Variants in FHOD3 observed in about 807,000 individuals in gnomAD.
FHOD3 encodes the protein FH1/FH2 domain-containing protein 3.
In FHOD3, 90 loss-of-function variants were observed where a neutral mutation model predicts 173.0. That is an observed-to-expected ratio of 0.52 (90% CI 0.44 to 0.62). The LOEUF is 0.62. Ranked by LOEUF, FHOD3 falls within the 20% of genes least tolerant of loss-of-function variation. The pLI is 0.00. For missense variants in FHOD3, 1,945 were observed against 2,034.7 expected (o/e 0.96, Z 0.85); for synonymous variants, 828 against 823.0 (o/e 1.01, Z -0.10).
At chr18:36,760,901 C>T (rs906682988) in intron 27 of FHOD3, 119 bp downstream of exon 27, 11 of 1,022,026 alleles carry the variant, frequency 1.1e-5, no homozygotes, top group Non-Finnish European at 1.5e-5. Flanking sequence ...CCAGTGCCAA[C>T]CTAACCACAC....
At chr18:36,464,977 A>G (rs771055882) in intron 3 of FHOD3, among the ~76,000 whole-genome samples, 1 of 152,170 alleles carries the variant, frequency 6.6e-6, no homozygotes, top group Non-Finnish European at 1.5e-5. Flanking sequence ...GATGTTTACA[A>G]CTTTTTAAAT....
At chr18:36,578,515 A>G (rs1417031086) in intron 6 of FHOD3, among the ~76,000 whole-genome samples, 1 of 152,124 alleles carries the variant, frequency 6.6e-6, no homozygotes. Flanking sequence ...GTCTGCCCAG[A>G]CTGTCCCCCA....
intron 3 of FHOD3, among the ~76,000 whole-genome samples, chr18:36,413,448 G>A (rs111703459): frequency 0.015 from 2,216 of 152,310 alleles, 39 homozygotes; most frequent in African/African-American, 0.05. Flanking sequence ...TTTTTGGGCT[G>A]TGAGCTGAGG....
chr18:36,681,505 G>C lies in FHOD3; in HGVS notation c.1905G>C (p.Glu635Asp). The stretch of plus-strand genomic sequence containing the variant: ...AAGAGTCACTGGCAGCAGAGAGAGA[G>C]AGGCGGCGGCAGGAGAGAGAAGAAA... ...QHQESLAAER[E>D]RRRQEREERL... Residue 635 changes from glutamate (E) to aspartate (D), a missense_variant, in exon 15 of 29, where the codon GAG (glutamate) becomes GAC (aspartate). Coordinates refer to ENST00000590592, the MANE Select transcript of FHOD3 (RefSeq NM_001281740.3). 6.2e-7 allele frequency: 1 copy of C among 1,614,012 alleles called. No homozygotes were observed. Among genetic ancestry groups the C allele is most frequent in the East Asian group, 2.2e-5 (1 of 44,882 alleles).
At chr18:36,433,330 A>AATTAC (rs1258504486) in intron 3 of FHOD3, among the ~76,000 whole-genome samples, 4 of 152,208 alleles carry the variant, frequency 2.6e-5, no homozygotes, top group Admixed American at 1.3e-4. Context: ...AGCCTCAAAG[A>AATTAC]ATTACACAGG....
intron 2 of FHOD3, among the ~76,000 whole-genome samples, chr18:36,363,103 C>T (rs1397418612): frequency 6.6e-6 from 1 of 152,180 alleles, no homozygotes; most frequent in Non-Finnish European, 1.5e-5. Flanking sequence ...GATACCACTA[C>T]ACACCCCTTA....
intron 8 of FHOD3, among the ~76,000 whole-genome samples, chr18:36,610,859 C>CT (rs2148608552): frequency 6.6e-6 from 1 of 152,348 alleles, no homozygotes; most frequent in Admixed American, 6.5e-5. Flanking sequence ...AAGGCTGAGA[C>CT]TGGAATGGCA....
chr18:36,553,160 G>A (rs1423377006), intron 5 of FHOD3, among the ~76,000 whole-genome samples: 2 of 152,160 alleles, frequency 1.3e-5, no homozygotes, highest in Non-Finnish European at 2.9e-5. Flanking sequence ...TGCATCCCAG[G>A]GATGAAGCCC....
chr18:36,649,749 C>A (rs1410335276), intron 11 of FHOD3, among the ~76,000 whole-genome samples: 1 of 152,148 alleles, frequency 6.6e-6, no homozygotes, highest in Non-Finnish European at 1.5e-5. Context: ...GATTCTTGCC[C>A]TTTCAGCATT....
chr18:36,531,102 G>A (rs757255789), intron 5 of FHOD3, among the ~76,000 whole-genome samples: 4 of 152,178 alleles, frequency 2.6e-5, no homozygotes, highest in Non-Finnish European at 5.9e-5. Flanking sequence ...ACCTCATTTT[G>A]CACATAGGGA....
intron 3 of FHOD3, among the ~76,000 whole-genome samples, chr18:36,434,057 C>T (rs1303191992): frequency 6.6e-6 from 1 of 152,172 alleles, no homozygotes; most frequent in Non-Finnish European, 1.5e-5. Context: ...GATAGGCTTC[C>T]TGATTAGATT....
intron 5 of FHOD3, among the ~76,000 whole-genome samples, chr18:36,548,892 C>T (rs1318694223): frequency 2.0e-5 from 3 of 152,032 alleles, no homozygotes; most frequent in Non-Finnish European, 4.4e-5. Context: ...TGAACATCAG[C>T]GTACAAGTGT....
Position 36,622,369 on chromosome 18 carries a change from C to A in FHOD3, c.958-3142C>A, listed in dbSNP as rs2033783192. ...TACAATAAATAAAAAGAAAAAAATT[C>A]TTAAGAATGTTCAGATCATTCAGTG... On this transcript the variant is annotated intron_variant, in intron 9 of 28. Coordinates refer to ENST00000590592, the MANE Select transcript of FHOD3 (RefSeq NM_001281740.3). Among the ~76,000 whole-genome samples the A allele has an allele frequency of 2.6e-5, 4 of 152,122 alleles. No homozygotes were observed. The South Asian group carries it at 8.3e-4, about 32-fold the overall frequency.
chr18:36,564,376 T>C (rs1179776662), intron 5 of FHOD3, among the ~76,000 whole-genome samples: 3 of 152,210 alleles, frequency 2.0e-5, no homozygotes, highest in South Asian at 4.1e-4. Context: ...ATTCCTTTGG[T>C]GTCTCCTTAT....
chr18:36,483,514 C>T lies in FHOD3; in HGVS notation c.338-18418C>T, dbSNP rs117664995. 8.8e-3 allele frequency among the ~76,000 whole-genome samples: 1,341 copies of T among 152,262 alleles called. 14 individuals are homozygous for T. The highest frequency in any genetic ancestry group is 0.011 in the Non-Finnish European group (778 of 68,022). ...TATCCATCTACTGAGTATTGAAGAA[C>T]GTGTATATGTCAGAGGAGTCTGCAC... On this transcript the variant is annotated intron_variant, in intron 3 of 28. Transcript: ENST00000590592.
intron 3 of FHOD3, among the ~76,000 whole-genome samples, chr18:36,455,652 C>CA (rs1281072970): frequency 4.0e-5 from 6 of 150,234 alleles, no homozygotes; most frequent in Admixed American, 6.6e-5. Flanking sequence ...AAAAATTTTT[C>CA]AAAAAAAATA....
chr18:36,676,628 T>A (rs1394323888), intron 14 of FHOD3, among the ~76,000 whole-genome samples: 1 of 152,230 alleles, frequency 6.6e-6, no homozygotes, highest in Non-Finnish European at 1.5e-5. Context: ...TTATATTAAT[T>A]TCGACTTCTA....
intron 10 of FHOD3, among the ~76,000 whole-genome samples, chr18:36,630,178 A>G (rs2034409259): frequency 6.6e-6 from 1 of 152,188 alleles, no homozygotes; most frequent in Non-Finnish European, 1.5e-5. Context: ...ATTCATGTGC[A>G]TGGGTCAAAA....
intron 5 of FHOD3, among the ~76,000 whole-genome samples, chr18:36,550,177 G>A (rs1419130219): frequency 6.7e-6 from 1 of 149,122 alleles, no homozygotes; most frequent in East Asian, 1.9e-4. Flanking sequence ...ATCACTTTGT[G>A]TGTGTGTTTG....
Sources: gnomAD v4.1 joint callset for allele counts (sites outside exome capture counted in the v4.1 genomes callset) on GRCh38, gnomAD v4.1.1 for gene constraint, MANE v1.5 for transcripts, NCBI Gene and HGNC (gene_info 2026-07-23, HGNC 2026-07-21) for gene names.